PPP1R2: variants seen among roughly 807,000 people sequenced by gnomAD.
PPP1R2 encodes the protein protein phosphatase 1 regulatory inhibitor subunit 2.
PPP1R2 carries 16 observed loss-of-function variants against 29.9 expected under a neutral mutation model. The observed-to-expected ratio is 0.53, with a 90% CI of 0.36 to 0.81. The LOEUF is 0.81. PPP1R2 is among the 30% of genes least tolerant of loss of function. PPP1R2 has a pLI of 0.00. For synonymous variants in PPP1R2, 76 were observed against 91.5 expected (o/e 0.83, Z 0.96); for missense variants, 197 against 252.7 (o/e 0.78, Z 1.49).
At chr3:195,519,298 T>A in intron 4 of PPP1R2, 113 bp from the exon 5 acceptor site, 1 of 819,650 alleles carries the variant, frequency 1.2e-6, no homozygotes, top group Non-Finnish European at 1.9e-6. Flanking sequence ...TTGTCATGCT[T>A]AAGGCTGCTT....
intron 2 of PPP1R2, among the ~76,000 whole-genome samples, chr3:195,525,692 C>G (rs778785794): frequency 6.6e-6 from 1 of 152,272 alleles, no homozygotes. Flanking sequence ...TCTCACTCTA[C>G]CCTCTAATGA....
At chr3:195,530,271 T>C (rs556248675) in intron 1 of PPP1R2, among the ~76,000 whole-genome samples, 61 of 152,358 alleles carry the variant, frequency 4.0e-4, no homozygotes, top group African/African-American at 1.4e-3. Flanking sequence ...TATCAGTAAC[T>C]GTTCGGTAAA....
intron 1 of PPP1R2, among the ~76,000 whole-genome samples, chr3:195,536,749 T>C (rs114927511): frequency 0.029 from 4,188 of 144,600 alleles, 83 homozygotes; most frequent in Middle Eastern, 0.046. Context: ...GATTGCACCA[T>C]TGTGCTCCAG....
At chr3:195,525,285 A>G (rs1718921704) in intron 2 of PPP1R2, among the ~76,000 whole-genome samples, 1 of 152,000 alleles carries the variant, frequency 6.6e-6, no homozygotes. Context: ...CACAGTATTT[A>G]CATTTTATTA....
intron 1 of PPP1R2, among the ~76,000 whole-genome samples, chr3:195,532,221 T>C (rs1472252562): frequency 5.1e-5 from 6 of 117,962 alleles, no homozygotes; most frequent in South Asian, 3.3e-4. Flanking sequence ...TTTTCTTTTT[T>C]TTTTTTTTTT....
intron 4 of PPP1R2, among the ~76,000 whole-genome samples, chr3:195,521,314 C>CAAAA (rs869228346): frequency 0.017 from 947 of 56,560 alleles, 130 homozygotes; most frequent in African/African-American, 0.028. Context: ...GACTCTGTCT[C>CAAAA]AAAAAAAAAA....
rs180953575 is a variant in PPP1R2, at chr3:195,538,783, C to A, written c.122+4121G>T. ...TGAATTTCTATATTTATTTCTATTACAATAAGACTAACATTTGAGGGTAAG... is the reference window on the plus strand; with the variant it reads ...TGAATTTCTATATTTATTTCTATTAAAATAAGACTAACATTTGAGGGTAAG... On this transcript the variant is annotated intron_variant, in intron 1 of 5. Transcript: ENST00000618156. Among the ~76,000 whole-genome samples, 335 of 152,212 alleles carry A rather than the reference C, an allele frequency of 2.2e-3. 2 individuals are homozygous for A. Among genetic ancestry groups the A allele is most frequent in the African/African-American group, 6.4e-3 (267 of 41,556 alleles).
At chr3:195,520,179 T>C (rs370060807) in intron 4 of PPP1R2, among the ~76,000 whole-genome samples, 4 of 152,228 alleles carry the variant, frequency 2.6e-5, no homozygotes, top group Admixed American at 6.5e-5. Flanking sequence ...CTGGCTAATT[T>C]TGGTAGTTTT....
At chr3:195,524,353 C>G (rs1259935646) in intron 3 of PPP1R2, among the ~76,000 whole-genome samples, 1 of 152,204 alleles carries the variant, frequency 6.6e-6, no homozygotes, top group East Asian at 1.9e-4. Flanking sequence ...AAAACACTGT[C>G]TCTACTAAAA....
intron 5 of PPP1R2, among the ~76,000 whole-genome samples, chr3:195,517,829 A>G (rs1157797696): frequency 6.6e-6 from 1 of 152,198 alleles, no homozygotes; most frequent in African/African-American, 2.4e-5. Flanking sequence ...TGGGATATAT[A>G]ATGGAAATGA....
At chr3:195,520,274 T>C (rs928254739) in intron 4 of PPP1R2, among the ~76,000 whole-genome samples, 3 of 152,106 alleles carry the variant, frequency 2.0e-5, no homozygotes, top group African/African-American at 7.2e-5. Context: ...CCTCCAAAAG[T>C]GCTGGGATTA....
At chr3:195,538,385 CT>C (rs1447428332) in intron 1 of PPP1R2, among the ~76,000 whole-genome samples, 2 of 152,160 alleles carry the variant, frequency 1.3e-5, no homozygotes, top group African/African-American at 4.8e-5. Context: ...AGAAATGGTT[CT>C]TTCTTTAAAT....
chr3:195,520,743 T>G (rs961115469), intron 4 of PPP1R2, among the ~76,000 whole-genome samples: 3 of 152,130 alleles, frequency 2.0e-5, no homozygotes, highest in Non-Finnish European at 4.4e-5. Context: ...GGCTTCCAAC[T>G]TCTGGGCTCA....
intron 2 of PPP1R2, chr3:195,527,971 T>C (rs973785322): frequency 6.1e-6 from 2 of 325,792 alleles, no homozygotes; most frequent in Non-Finnish European, 1.2e-5. Context: ...TAACTAATTG[T>C]AATTTTATTG....
chr3:195,538,425 A>G lies in PPP1R2; in HGVS notation c.122+4479T>C, dbSNP rs1429025923. Among the ~76,000 whole-genome samples, 3 of 152,256 alleles carry G rather than the reference A, an allele frequency of 2.0e-5. No homozygotes were observed. In the East Asian group the frequency reaches 5.8e-4, roughly 29 times the overall value. On this transcript the variant is annotated intron_variant, in intron 1 of 5. Coordinates refer to ENST00000618156, the MANE Select transcript of PPP1R2 (RefSeq NM_006241.8). ...GATTCAACTTATATAGATTGACACA[A>G]TATAAGACTTCGAAGCCTGATATCG...
intron 4 of PPP1R2, chr3:195,523,262 A>C (rs1239332681): frequency 5.4e-6 from 1 of 185,604 alleles, no homozygotes; most frequent in Non-Finnish European, 1.1e-5. Context: ...AAAGACCTTC[A>C]CTCTGCATCT....
In PPP1R2 at chr3:195,515,010, C is replaced by CA. The variant is rs3988245; in HGVS notation, c.*1885dup. The CA allele has an allele frequency of 0.31, 64,136 of 209,862 alleles. 9,102 individuals carry two copies. Among genetic ancestry groups the CA allele is most frequent in the African/African-American group, 0.4 (16,562 of 41,056 alleles). The allele number at this position is 209,862 out of a possible 1,614,324, so 13.0% of individuals were successfully genotyped here. A position where few individuals can be genotyped will look rare whatever the true frequency, so the allele number is the denominator to read the frequency against. On this transcript the variant is annotated 3_prime_UTR_variant, in exon 6 of 6. Transcript: ENST00000618156. ...CTTCACTCTATGACAGCTACTTCTA[C>CA]AAAAAAAAAAAAAGAGTATGTGGGT...
At chr3:195,523,824 G>T in intron 3 of PPP1R2, 38 bp from the exon 4 acceptor site, 1 of 1,535,198 alleles carries the variant, frequency 6.5e-7, no homozygotes, top group Non-Finnish European at 9.0e-7. Context: ...TAACAGTGAT[G>T]TTTTGATATT....
At chr3:195,520,708 A>T (rs1718724998) in intron 4 of PPP1R2, among the ~76,000 whole-genome samples, 1 of 151,966 alleles carries the variant, frequency 6.6e-6, no homozygotes, top group Non-Finnish European at 1.5e-5. Flanking sequence ...ATTTTTAGAG[A>T]TGAGATCTCA....
Sources: allele counts gnomAD v4.1 joint callset (sites outside exome capture counted in the v4.1 genomes callset), GRCh38; gene constraint gnomAD v4.1.1; transcripts MANE v1.5; gene names NCBI Gene and HGNC (gene_info 2026-07-23, HGNC 2026-07-21).